PIGN: variants seen among roughly 807,000 people sequenced by gnomAD.
The protein encoded by PIGN is GPI ethanolamine phosphate transferase 1.
PIGN carries 117 observed loss-of-function variants against 125.4 expected under a neutral mutation model. The observed-to-expected ratio is 0.93, with a 90% confidence interval of 0.80 to 1.09. The LOEUF (loss-of-function observed/expected upper bound fraction) is 1.09. PIGN is among the 50% of genes least tolerant of loss of function. The pLI is 0.00. For synonymous variants in PIGN, 392 were observed against 377.8 expected, an observed-to-expected ratio of 1.04 and a Z score of -0.44; for missense variants, 1,075 against 1,094.9, an observed-to-expected ratio of 0.98 and a Z score of 0.26.
intron 23 of PIGN, among the ~76,000 whole-genome samples, chr18:62,021,434 C>A (rs1261129497): frequency 1.3e-5 from 2 of 152,212 alleles, no homozygotes; most frequent in Non-Finnish European, 2.9e-5. Context: ...TTATTACTCA[C>A]AGCAATAGCA....
At position 62,074,835 on chromosome 18, in the gene PIGN, GAA is replaced by G; in HGVS notation, c.2577-16_2577-15del. 6.3e-7 allele frequency: 1 copy of G among 1,585,598 alleles called. No individual in the cohort carries two copies. Among genetic ancestry groups the G allele is most frequent in the Non-Finnish European group, 8.6e-7 (1 of 1,159,118 alleles). ...ATGAGAAAAAGGCTGGAAAAAAAAA[GAA>G]GGAAAAATTACATCTAATACAACAG... On this transcript the variant is annotated splice_polypyrimidine_tract_variant and intron_variant, in intron 28 of 30. Transcript: ENST00000640252.
At chr18:62,097,443 C>T (rs999868573) in intron 22 of PIGN, among the ~76,000 whole-genome samples, 8 of 140,772 alleles carry the variant, frequency 5.7e-5, no homozygotes, top group Non-Finnish European at 9.2e-5. Flanking sequence ...GGAGAGGATG[C>T]GGAGAAATAG....
At chr18:62,039,342 G>A (rs1391334097), downstream of PIGN, among the ~76,000 whole-genome samples, 1 of 151,922 alleles carries the variant, frequency 6.6e-6, no homozygotes, top group African/African-American at 2.4e-5. Flanking sequence ...AACTACTAAG[G>A]CACAGTTTTC....
At chr18:62,097,260 G>A (rs8089594) in intron 22 of PIGN, among the ~76,000 whole-genome samples, 38,483 of 116,888 alleles carry the variant, frequency 0.33, 6,106 homozygotes, top group East Asian at 0.56. Context: ...AAAAGTGGGC[G>A]AAGGACATGA....
intron 17 of PIGN, chr18:62,107,386 C>G (rs551116005): frequency 1.2e-4 from 33 of 273,728 alleles, no homozygotes; most frequent in Non-Finnish European, 1.7e-4. Context: ...CCTGAGGTCA[C>G]AAGTTTGAGA....
chr18:62,151,984 G>A (rs1232919061), intron 7 of PIGN, among the ~76,000 whole-genome samples: 1 of 152,168 alleles, frequency 6.6e-6, no homozygotes, highest in African/African-American at 2.4e-5. Flanking sequence ...AGGAGATCTT[G>A]AGAATATTTG....
At chr18:62,078,845 T>C (rs980396578) in intron 28 of PIGN, among the ~76,000 whole-genome samples, 1 of 152,200 alleles carries the variant, frequency 6.6e-6, no homozygotes, top group Non-Finnish European at 1.5e-5. Flanking sequence ...TCATCCCCAC[T>C]GAGCCACTGT....
At chr18:62,116,154 G>A (rs1204693329) in intron 14 of PIGN, among the ~76,000 whole-genome samples, 2 of 152,176 alleles carry the variant, frequency 1.3e-5, no homozygotes, top group African/African-American at 2.4e-5. Flanking sequence ...CTTTGATCCA[G>A]TTCTCTGTAC....
chr18:62,077,746 C>A (rs1451588089), intron 28 of PIGN, among the ~76,000 whole-genome samples: 1 of 152,274 alleles, frequency 6.6e-6, no homozygotes, highest in East Asian at 1.9e-4. Flanking sequence ...AAGATATAAT[C>A]TCTCCCCTTA....
intron 14 of PIGN, among the ~76,000 whole-genome samples, chr18:62,125,797 T>G (rs1447076859): frequency 6.6e-6 from 1 of 152,106 alleles, no homozygotes; most frequent in Non-Finnish European, 1.5e-5. Context: ...CTTTTTTAAG[T>G]CTTGCTTTAA....
chr18:62,175,815 CA>C (rs2037505415), intron 1 of PIGN, among the ~76,000 whole-genome samples: 1 of 152,080 alleles, frequency 6.6e-6, no homozygotes, highest in African/African-American at 2.4e-5. Flanking sequence ...TATTTTCCCC[CA>C]GTTCACTAAA....
intron 10 of PIGN, among the ~76,000 whole-genome samples, chr18:62,145,599 A>T (rs1358492196): frequency 3.9e-5 from 6 of 152,150 alleles, no homozygotes; most frequent in Admixed American, 3.9e-4. Flanking sequence ...CCTCTTTTTT[A>T]ATTTTTATTT....
chr18:62,092,298 A>G (rs1227514445), intron 23 of PIGN, among the ~76,000 whole-genome samples: 2 of 152,206 alleles, frequency 1.3e-5, no homozygotes, highest in African/African-American at 4.8e-5. Flanking sequence ...CATATTTGTT[A>G]CAGATATGAT....
intron 30 of PIGN, chr18:62,070,651 T>C (rs1190677276): frequency 7.6e-6 from 3 of 394,764 alleles, no homozygotes; most frequent in Non-Finnish European, 1.3e-5. Context: ...TGTCTCAGAA[T>C]GCATTTGGAG....
In PIGN at chr18:62,067,892, C is replaced by T. The variant is rs186445031; in HGVS notation, c.2672+4781G>A. On this transcript the variant is annotated intron_variant, in intron 30 of 30. Transcript: ENST00000640252. ...TGTATTTCACTTTTTAAGAAAGTTT[C>T]TTTTCCCTCTAGGTCTCACTCACGA... Among the ~76,000 whole-genome samples, 4 of 152,230 alleles carry T rather than the reference C, an allele frequency of 2.6e-5. No individual in the cohort carries two copies. In the East Asian group the frequency reaches 7.7e-4, roughly 29 times the overall value.
intron 14 of PIGN, chr18:62,135,621 T>C (rs79585943): frequency 1.1e-4 from 1 of 9,494 alleles, no homozygotes; most frequent in Non-Finnish European, 1.7e-4. Context: ...TTCTTTGTCT[T>C]TTTTTTTTTT....
intron 22 of PIGN, among the ~76,000 whole-genome samples, chr18:62,097,913 G>A (rs976206893): frequency 1.3e-5 from 2 of 152,268 alleles, no homozygotes; most frequent in Admixed American, 6.5e-5. Flanking sequence ...TCTATTCTGG[G>A]AAGGAAATGT....
At chr18:62,119,146 C>A (rs1180639636) in intron 14 of PIGN, among the ~76,000 whole-genome samples, 1 of 152,098 alleles carries the variant, frequency 6.6e-6, no homozygotes, top group African/African-American at 2.4e-5. Context: ...GGCCTTGAGT[C>A]AGCCACTACT....
chr18:62,069,924 A>C (rs1270585262), intron 30 of PIGN: 1 of 152,458 alleles, frequency 6.6e-6, no homozygotes, highest in Non-Finnish European at 1.5e-5. Flanking sequence ...ATTTTACCAG[A>C]ATATTTTTGA....
Sources: gnomAD v4.1 joint callset for allele counts (sites outside exome capture counted in the v4.1 genomes callset) on GRCh38, gnomAD v4.1.1 for gene constraint, MANE v1.5 for transcripts, NCBI Gene and HGNC (gene_info 2026-07-23, HGNC 2026-07-21) for gene names.